CIMAP1D: variants seen among roughly 807,000 people sequenced by gnomAD.
CIMAP1D encodes the protein protein CIMAP1D.
At chr19:473,764 C>T in the CIMAP1D span, among the ~76,000 whole-genome samples, 1 of 103,814 alleles carries the variant, frequency 9.6e-6, no homozygotes, top group Non-Finnish European at 1.8e-5. Flanking sequence ...GGCAGAGATA[C>T]ACGATCACAG....
the CIMAP1D span, chr19:474,904 G>A: frequency 3.3e-5 from 19 of 577,594 alleles, no homozygotes; most frequent in East Asian, 1.0e-4. Context: ...CTCTTGTCCC[G>A]CAGCAGGGAG....
At chr19:477,257 A>T in the CIMAP1D span, among the ~76,000 whole-genome samples, 1 of 152,184 alleles carries the variant, frequency 6.6e-6, no homozygotes, top group Non-Finnish European at 1.5e-5. Context: ...AACAGTAGAA[A>T]TCCATGAAAT....
chr19:488,952 C>G, the CIMAP1D span, among the ~76,000 whole-genome samples: 5 of 151,836 alleles, frequency 3.3e-5, no homozygotes, highest in African/African-American at 1.2e-4. Context: ...GCCGCCAGGG[C>G]GTCCGCGCCG....
chr19:469,976 C>CA, the CIMAP1D span, among the ~76,000 whole-genome samples: 1 of 42,410 alleles, frequency 2.4e-5, no homozygotes, highest in East Asian at 1.1e-3. Context: ...CCTCAGCCTA[C>CA]AAACAGGCTC....
At chr19:474,518 A>C in the CIMAP1D span, 2 of 1,208,258 alleles carry the variant, frequency 1.7e-6, no homozygotes, top group Non-Finnish European at 2.2e-6. Context: ...ACTTGCCTGA[A>C]ACTCCTGCCT....
the CIMAP1D span, among the ~76,000 whole-genome samples, chr19:488,650 G>A: frequency 1.3e-5 from 2 of 152,242 alleles, no homozygotes; most frequent in African/African-American, 4.8e-5. Context: ...AAGCGGGCCG[G>A]AAGCCCCGCA....
the CIMAP1D span, among the ~76,000 whole-genome samples, chr19:480,812 G>A: frequency 7.6e-6 from 1 of 131,580 alleles, no homozygotes; most frequent in East Asian, 2.4e-4. Flanking sequence ...AATGTAGGAA[G>A]GATGATGGGG....
At chr19:487,810 G>T in the CIMAP1D span, among the ~76,000 whole-genome samples, 42 of 152,290 alleles carry the variant, frequency 2.8e-4, no homozygotes, top group African/African-American at 9.6e-4. Flanking sequence ...TCCAAAGAAA[G>T]AAGTAAAAAC....
At chr19:465,071 G>A in the CIMAP1D span, among the ~76,000 whole-genome samples, 105,807 of 124,856 alleles carry the variant, frequency 0.85, 45,143 homozygotes, top group East Asian at 0.98. Context: ...GGATGGATGG[G>A]TGGGTGGAAG....
chr19:467,057 A>T, the CIMAP1D span, among the ~76,000 whole-genome samples: 18 of 43,670 alleles, frequency 4.1e-4, 1 homozygote, highest in East Asian at 0.011. Flanking sequence ...GGATAGATGG[A>T]TGGGTGGGTG....
the CIMAP1D span, among the ~76,000 whole-genome samples, chr19:491,604 G>C: frequency 6.6e-6 from 1 of 151,700 alleles, no homozygotes; most frequent in African/African-American, 2.4e-5. Context: ...CCCAGGCCTC[G>C]CCGCTTCCCC....
At chr19:470,642 A>C in the CIMAP1D span, among the ~76,000 whole-genome samples, 88 of 152,252 alleles carry the variant, frequency 5.8e-4, no homozygotes, top group East Asian at 6.2e-3. Context: ...GGCTGAGAAC[A>C]GGCTGCTGTC....
At chr19:468,478 C>T in the CIMAP1D span, among the ~76,000 whole-genome samples, 13 of 152,288 alleles carry the variant, frequency 8.5e-5, no homozygotes, top group East Asian at 3.9e-4. Context: ...CGTTGGACCA[C>T]GTTCAAATCC....
the CIMAP1D span, among the ~76,000 whole-genome samples, chr19:488,206 G>A: frequency 1.9e-3 from 289 of 151,840 alleles, no homozygotes; most frequent in Middle Eastern, 6.8e-3. Context: ...GGCTCTTCCT[G>A]CTACACTATC....
chr19:474,257 G>A, the CIMAP1D span, among the ~76,000 whole-genome samples: 9 of 152,116 alleles, frequency 5.9e-5, no homozygotes, highest in Non-Finnish European at 7.4e-5. Context: ...CCGCACACGC[G>A]CCCCTCGCCC....
At chr19:476,287 T>TCA in the CIMAP1D span, among the ~76,000 whole-genome samples, 1 of 151,984 alleles carries the variant, frequency 6.6e-6, no homozygotes, top group Non-Finnish European at 1.5e-5. Context: ...TCTCTTGACC[T>TCA]TGTGATCCAA....
At chr19:466,703 T>G in the CIMAP1D span, among the ~76,000 whole-genome samples, 1 of 140,706 alleles carries the variant, frequency 7.1e-6, no homozygotes. Context: ...GATAGATGGT[T>G]GGGTGGAGGG....
chr19:475,127 A>T, the CIMAP1D span: 1 of 198,826 alleles, frequency 5.0e-6, no homozygotes, highest in Non-Finnish European at 1.0e-5. Flanking sequence ...GCCTTGCAGC[A>T]GGAGGGCCTG....
the CIMAP1D span, among the ~76,000 whole-genome samples, chr19:488,607 G>A: frequency 0.54 from 81,612 of 152,172 alleles, 23,656 homozygotes; most frequent in African/African-American, 0.76. Flanking sequence ...TACCCCCAAC[G>A]CAACCACGGC....
Sources: gnomAD v4.1 joint callset for allele counts (sites outside exome capture counted in the v4.1 genomes callset) on GRCh38, gnomAD v4.1.1 for gene constraint, MANE v1.5 for transcripts, NCBI Gene and HGNC (gene_info 2026-07-23, HGNC 2026-07-21) for gene names.